TMEM132C: variants seen among roughly 807,000 people sequenced by gnomAD.
TMEM132C encodes the protein protein phosphatase 1, regulatory subunit 152.
Under a neutral mutation model 61.4 loss-of-function variants are expected in TMEM132C, and 29 were observed. The observed-to-expected ratio is 0.47, with a 90% confidence interval of 0.35 to 0.64. The LOEUF (loss-of-function observed/expected upper bound fraction) is 0.64. TMEM132C is among the 30% of genes least tolerant of loss of function. The probability of loss-of-function intolerance (pLI) is 0.00; values close to 1 mark genes in which losing one functional copy is unlikely to be tolerated. For missense variants in TMEM132C, 1,408 were observed against 1,476.9 expected (o/e 0.95, Z 0.76); for synonymous variants, 656 against 633.1 (o/e 1.04, Z -0.54).
intron 3 of TMEM132C, among the ~76,000 whole-genome samples, chr12:128,574,059 G>A (rs1315389026): frequency 1.5e-5 from 1 of 68,364 alleles, no homozygotes; most frequent in Non-Finnish European, 3.0e-5. Flanking sequence ...ACTACCGAGG[G>A]CACTTTCCAC....
At chr12:128,652,750 G>A (rs2135612172) in intron 4 of TMEM132C, among the ~76,000 whole-genome samples, 1 of 152,320 alleles carries the variant, frequency 6.6e-6, no homozygotes, top group South Asian at 2.1e-4. Context: ...CAGAGGAGTG[G>A]ATTTCATAGC....
chr12:128,380,001 A>G lies in TMEM132C; in HGVS notation c.86-34731A>G, dbSNP rs541817554. On this transcript the variant is annotated intron_variant, in intron 1 of 8. Coordinates refer to ENST00000435159, the MANE Select transcript of TMEM132C (RefSeq NM_001136103.3). ...AGCACTTGTCACAGTTCTGCCACTG[A>G]AGAGCCAAAGAACTTTCAGCAAGAG... is the stretch of plus-strand genomic sequence containing the variant. Among the ~76,000 whole-genome samples, 177 of 152,364 alleles carry G rather than the reference A, an allele frequency of 1.2e-3. 1 individual carries two copies. The highest frequency in any genetic ancestry group is 1.8e-3 in the Non-Finnish European group (122 of 68,038).
intron 2 of TMEM132C, among the ~76,000 whole-genome samples, chr12:128,483,300 AG>A (rs1192278761): frequency 6.4e-3 from 1 of 156 alleles, no homozygotes; most frequent in Non-Finnish European, 0.018. Context: ...AGAAAGAGAG[AG>A]GGGGAGGTGA....
chr12:128,317,169 C>T (rs1372459831), intron 1 of TMEM132C, among the ~76,000 whole-genome samples: 3 of 152,210 alleles, frequency 2.0e-5, no homozygotes, highest in East Asian at 3.8e-4. Context: ...TACTGACCTG[C>T]ACCAAATGCA....
At chr12:128,633,366 A>G (rs761502811) in intron 4 of TMEM132C, among the ~76,000 whole-genome samples, 25 of 152,198 alleles carry the variant, frequency 1.6e-4, no homozygotes, top group Admixed American at 9.8e-4. Context: ...TACTGGGACC[A>G]TCTTGGAAGC....
chr12:128,548,074 C>G (rs1328877148), intron 3 of TMEM132C, among the ~76,000 whole-genome samples: 1 of 152,134 alleles, frequency 6.6e-6, no homozygotes, highest in Non-Finnish European at 1.5e-5. Flanking sequence ...GAGCTGAGCT[C>G]TGAGAGCGGC....
intron 4 of TMEM132C, among the ~76,000 whole-genome samples, chr12:128,631,554 A>G (rs951167428): frequency 5.9e-5 from 9 of 152,216 alleles, no homozygotes; most frequent in South Asian, 2.1e-4. Context: ...TAAACAACGC[A>G]TAGTGGAAGA....
chr12:128,621,702 C>T (rs1039976210), intron 4 of TMEM132C, among the ~76,000 whole-genome samples: 7 of 152,166 alleles, frequency 4.6e-5, no homozygotes, highest in African/African-American at 1.2e-4. Flanking sequence ...GTGTGTCTTG[C>T]GGGCGTGTGG....
chr12:128,528,902 C>T (rs1873185202), intron 2 of TMEM132C, among the ~76,000 whole-genome samples: 1 of 152,124 alleles, frequency 6.6e-6, no homozygotes, highest in Admixed American at 6.5e-5. Flanking sequence ...AGACAGATTT[C>T]CCTGCTCAGG....
chr12:128,513,444 C>T (rs1020225686), intron 2 of TMEM132C, among the ~76,000 whole-genome samples: 19 of 152,138 alleles, frequency 1.2e-4, no homozygotes, highest in African/African-American at 3.6e-4. Flanking sequence ...GCCCTGCCCT[C>T]GTCAGGGAGA....
intron 2 of TMEM132C, among the ~76,000 whole-genome samples, chr12:128,489,236 C>T (rs1871618685): frequency 6.6e-6 from 1 of 152,046 alleles, no homozygotes; most frequent in Non-Finnish European, 1.5e-5. Context: ...GGCAGGTATT[C>T]ACACCAGGAT....
At chr12:128,637,606 A>G (rs1954113891) in intron 4 of TMEM132C, among the ~76,000 whole-genome samples, 1 of 152,102 alleles carries the variant, frequency 6.6e-6, no homozygotes, top group Non-Finnish European at 1.5e-5. Flanking sequence ...GTCTTGCTAC[A>G]TTGCCCGGGC....
intron 3 of TMEM132C, among the ~76,000 whole-genome samples, chr12:128,573,947 C>T (rs1874997527): frequency 2.6e-5 from 4 of 150,990 alleles, no homozygotes; most frequent in African/African-American, 4.9e-5. Flanking sequence ...TTTGCAGAGC[C>T]CTTAGTACCA....
rs895425716 is a variant in TMEM132C, at chr12:128,705,345, G to A, written c.2377G>A (p.Gly793Ser). The change falls in exon 9 of 9, where the codon GGC becomes AGC. Residue 793 changes from glycine to serine, a missense_variant. By Grantham distance (56) the Gly-to-Ser change is moderately conservative. Coordinates refer to ENST00000435159, the MANE Select transcript of TMEM132C (RefSeq NM_001136103.3). Reference protein sequence around the residue: ...KRKSILAVGVGNVRVKFGQND... With the variant: ...KRKSILAVGVSNVRVKFGQND... ...CAAGAGCATCCTGGCTGTGGGCGTCGGCAACGTCAGGGTCAAGTTCGGACA... is the reference window on the plus strand; with the variant it reads ...CAAGAGCATCCTGGCTGTGGGCGTCAGCAACGTCAGGGTCAAGTTCGGACA... The A allele has an allele frequency of 1.1e-5, 17 of 1,551,256 alleles. No homozygotes were observed. The highest frequency in any genetic ancestry group is 6.8e-5 in the African/African-American group (5 of 73,032).
chr12:128,344,188 T>C (rs964965720), intron 1 of TMEM132C, among the ~76,000 whole-genome samples: 6 of 152,214 alleles, frequency 3.9e-5, no homozygotes. Context: ...GACGGAGTCT[T>C]GCTCTGTTGC....
Position 128,622,361 on chromosome 12 carries a change from ATATATATATATATAT to A in TMEM132C, c.1305+6027_1305+6041del, listed in dbSNP as rs1307308965. Among the ~76,000 whole-genome samples, 91 of 38,162 alleles carry A rather than the reference ATATATATATATATAT, an allele frequency of 2.4e-3. 5 individuals carry two copies. Among genetic ancestry groups the A allele is most frequent in the African/African-American group, 3.7e-3 (37 of 9,904 alleles). 25.0% of individuals were successfully genotyped at this position (38,162 alleles called of 152,430 possible). ...TTTGTCTCAAAAAAAAAAAAAAAAA[ATATATATATATATAT>A]ATATATATATATATATATATATATA... is the stretch of plus-strand genomic sequence containing the variant. On this transcript the variant is annotated intron_variant, in intron 4 of 8. Transcript: ENST00000435159.
intron 2 of TMEM132C, among the ~76,000 whole-genome samples, chr12:128,429,362 T>C (rs1869307921): frequency 6.6e-6 from 1 of 152,168 alleles, no homozygotes; most frequent in African/African-American, 2.4e-5. Flanking sequence ...CTGAGATGAA[T>C]AAATGGTTGA....
chr12:128,697,938 G>A (rs1954777517), intron 8 of TMEM132C, among the ~76,000 whole-genome samples: 1 of 152,146 alleles, frequency 6.6e-6, no homozygotes, highest in Non-Finnish European at 1.5e-5. Context: ...TCACCGCTGA[G>A]CATGGCTCTT....
chr12:128,649,316 GC>G lies in TMEM132C; in HGVS notation c.1306-20099del, dbSNP rs1236595729. 2.0e-5 allele frequency among the ~76,000 whole-genome samples: 3 copies of G among 152,212 alleles called. No homozygotes were observed. In the East Asian group the frequency reaches 5.8e-4, roughly 29 times the overall value. On this transcript the variant is annotated intron_variant, in intron 4 of 8. Transcript: ENST00000435159. Reference sequence around the variant, plus strand: ...CTGTGATACTGCCACCCTTGATTGTGCCACCAGGGAGGGAGGAAGCAGAGAG... The same window carrying G: ...CTGTGATACTGCCACCCTTGATTGTGCACCAGGGAGGGAGGAAGCAGAGAG...
Sources: gnomAD v4.1 joint callset for allele counts (sites outside exome capture counted in the v4.1 genomes callset) on GRCh38, gnomAD v4.1.1 for gene constraint, MANE v1.5 for transcripts, NCBI Gene and HGNC (gene_info 2026-07-23, HGNC 2026-07-21) for gene names.